The following AGAP1 variants were observed in gnomAD, a reference collection of about 807,000 sequenced individuals.
AGAP1 encodes ArfGAP with GTPase domain, ankyrin repeat and PH domain 1.
A neutral mutation model predicts 105.3 loss-of-function variants in AGAP1; 29 were observed. The ratio of observed to expected loss-of-function variants is 0.28; its 90% CI spans 0.21 to 0.38. The LOEUF (loss-of-function observed/expected upper bound fraction) is 0.38, where lower values mean the gene tolerates loss of function less well. Among genes scored for constraint, AGAP1 ranks in the 10% least tolerant of loss-of-function variants. AGAP1 has a pLI of 1.00. For missense variants in AGAP1, 998 were observed against 1,165.1 expected, an observed-to-expected ratio of 0.86 and a Z score of 2.09; for synonymous variants, 509 against 485.9, an observed-to-expected ratio of 1.05 and a Z score of -0.63.
At chr2:236,006,389 G>C (rs62189403) in intron 13 of AGAP1, among the ~76,000 whole-genome samples, 1 of 152,154 alleles carries the variant, frequency 6.6e-6, no homozygotes, top group East Asian at 1.9e-4. Flanking sequence ...AGGCGTGCTC[G>C]TTGCTTCTGG....
rs1243600769 is a variant in AGAP1 at position 236,035,936 on chromosome 2, C to A, written c.1646-625C>A. Among the ~76,000 whole-genome samples the A allele has an allele frequency of 2.0e-5, 3 of 151,982 alleles. No individual in the cohort carries two copies. Among genetic ancestry groups the A allele is most frequent in the Non-Finnish European group, 4.4e-5 (3 of 67,990 alleles). ...TGGCAGGTGGGGTCGCAGGGTATAC[C>A]CCCAAGTTCCTCTCTTCCCATTGCA... On this transcript the variant is annotated intron_variant, in intron 13 of 17. Coordinates refer to ENST00000304032, the MANE Select transcript of AGAP1 (RefSeq NM_001037131.3). The surrounding 1 kb of genome is among the most constrained non-coding windows in gnomAD (Gnocchi z 4.2).
chr2:235,702,934 G>GTGTGTTTTTTTTTTTTTTTTTTTTTT (rs1553609552), intron 1 of AGAP1, among the ~76,000 whole-genome samples: 1 of 88,946 alleles, frequency 1.1e-5, no homozygotes, highest in Non-Finnish European at 2.2e-5. Flanking sequence ...AGTTTTCTTG[G>GTGTGTTTTTTTTTTTTTTTTTTTTTT]TTTTTTTTTT....
intron 10 of AGAP1, among the ~76,000 whole-genome samples, chr2:235,895,326 C>G (rs578172999): frequency 1.4e-5 from 2 of 146,204 alleles, no homozygotes; most frequent in African/African-American, 5.0e-5. Context: ...TGCCCCTGCT[C>G]TTGCCCCAGC....
In AGAP1 at chr2:235,933,815, G is replaced by A. The variant is rs1163159426; in HGVS notation, c.1483+2892G>A. Among the ~76,000 whole-genome samples the A allele has an allele frequency of 3.3e-5, 5 of 152,200 alleles. No individual in the cohort carries two copies. The East Asian group carries it at 7.7e-4, about 23-fold the overall frequency. ...CAAAGTGCTGGGATTACAGGCATGA[G>A]CCACCGCGCCCGGCCTTTCTAAGGA... On this transcript the variant is annotated intron_variant, in intron 12 of 17. Transcript: ENST00000304032.
rs1195362102 is a variant in AGAP1 at position 235,555,165 on chromosome 2, G to C, written c.163+60316G>C. On this transcript the variant is annotated intron_variant, in intron 1 of 17. Coordinates refer to ENST00000304032, the MANE Select transcript of AGAP1 (RefSeq NM_001037131.3). This position sits in a 1 kb window ranked among gnomAD's most constrained non-coding sequence, Gnocchi z 5.1. ...GGGTTGCTGATTCTTCTTTCCAGAT[G>C]GATGTTTCTAAAGTCTTTCTTAAAG... Among the ~76,000 whole-genome samples, 1 of 152,164 alleles carries C rather than the reference G, an allele frequency of 6.6e-6. No individual in the cohort carries two copies. Among genetic ancestry groups the C allele is most frequent in the East Asian group, 1.9e-4 (1 of 5,190 alleles).
chr2:236,086,041 C>T (rs1473995313), intron 16 of AGAP1, among the ~76,000 whole-genome samples: 1 of 152,240 alleles, frequency 6.6e-6, no homozygotes, highest in Non-Finnish European at 1.5e-5. Flanking sequence ...TAAAGCTGCC[C>T]TGATCTTCCT....
At chr2:236,007,287 T>C (rs2056353038) in intron 13 of AGAP1, among the ~76,000 whole-genome samples, 1 of 152,224 alleles carries the variant, frequency 6.6e-6, no homozygotes, top group Non-Finnish European at 1.5e-5. Flanking sequence ...AAATTATCTC[T>C]AGTAGATATT....
In AGAP1 at chr2:235,994,258, C is replaced by T. The variant is rs1329633410; in HGVS notation, c.1645+25635C>T. 1.3e-5 allele frequency among the ~76,000 whole-genome samples: 2 copies of T among 152,200 alleles called. No individual in the cohort carries two copies. Among genetic ancestry groups the T allele is most frequent in the African/African-American group, 4.8e-5 (2 of 41,440 alleles). On this transcript the variant is annotated intron_variant, in intron 13 of 17. Coordinates refer to ENST00000304032, the MANE Select transcript of AGAP1 (RefSeq NM_001037131.3). The surrounding 1 kb of genome is among the most constrained non-coding windows in gnomAD (Gnocchi z 4.4). ...GTGCCTACATCCATTTCTGTTGAAACTGGTCATAGTTAGCATTTCTCCATG... is the reference window on the plus strand; with the variant it reads ...GTGCCTACATCCATTTCTGTTGAAATTGGTCATAGTTAGCATTTCTCCATG...
chr2:235,951,060 C>T lies in AGAP1; in HGVS notation c.1484-17402C>T, dbSNP rs1275136312. Among the ~76,000 whole-genome samples the T allele has an allele frequency of 2.0e-5, 3 of 152,136 alleles. No homozygotes were observed. Among genetic ancestry groups the T allele is most frequent in the Admixed American group, 6.5e-5 (1 of 15,286 alleles). ...ATGGTGAATTACTCATAGTTTTCTG[C>T]TGGAAGTAAATTTAATTCTAGTTTT... On this transcript the variant is annotated intron_variant, in intron 12 of 17. Transcript: ENST00000304032. This position sits in a 1 kb window ranked among gnomAD's most constrained non-coding sequence, Gnocchi z 4.2.
At position 236,036,497 on chromosome 2, in the gene AGAP1, G is replaced by GGGCC; in HGVS notation, c.1646-63_1646-60dup. On this transcript the variant is annotated intron_variant, in intron 13 of 17. Coordinates refer to ENST00000304032, the MANE Select transcript of AGAP1 (RefSeq NM_001037131.3). The surrounding 1 kb of genome is among the most constrained non-coding windows in gnomAD (Gnocchi z 5.7). The stretch of plus-strand genomic sequence containing the variant: ...AACCCAGAGGCGCTTCTGTGACAGA[G>GGGCC]GGCCCGCAGGGGGACTGCTGTCTCA... 1 of 1,579,064 alleles carries GGGCC rather than the reference G, an allele frequency of 6.3e-7. No homozygotes were observed. The highest frequency in any genetic ancestry group is 1.8e-5 in the Admixed American group (1 of 56,960).
intron 13 of AGAP1, among the ~76,000 whole-genome samples, chr2:236,015,364 C>G (rs2056660108): frequency 7.4e-6 from 1 of 135,638 alleles, no homozygotes; most frequent in Non-Finnish European, 1.5e-5. Flanking sequence ...GCAGGCAGGC[C>G]CGGGCCATTT....
Position 235,981,117 on chromosome 2 carries a change from G to A in AGAP1, c.1645+12494G>A, listed in dbSNP as rs1055849414. Among the ~76,000 whole-genome samples the A allele has an allele frequency of 4.6e-5, 7 of 152,160 alleles. No individual in the cohort carries two copies. The highest frequency in any genetic ancestry group is 1.4e-4 in the African/African-American group (6 of 41,432). ...TAAGGAATTAGACACCCCAGAGTAT[G>A]TGATCACTGTGAGATGTTTCTCAAA... On this transcript the variant is annotated intron_variant, in intron 13 of 17. Transcript: ENST00000304032. This position sits in a 1 kb window ranked among gnomAD's most constrained non-coding sequence, Gnocchi z 5.5.
Position 235,583,769 on chromosome 2 carries a change from C to T in AGAP1, c.163+88920C>T, listed in dbSNP as rs540795661. Among the ~76,000 whole-genome samples the T allele has an allele frequency of 1.6e-3, 246 of 150,986 alleles. 1 individual carries two copies. The highest frequency in any genetic ancestry group is 5.6e-3 in the African/African-American group (232 of 41,080). The stretch of plus-strand genomic sequence containing the variant: ...GTGTGCGCCTGTAGTCCCAGCTACT[C>T]GGGAGGCTGAGGCAGAATTGCCTGA... On this transcript the variant is annotated intron_variant, in intron 1 of 17. Transcript: ENST00000304032.
At chr2:235,702,338 G>C (rs1290758385) in intron 1 of AGAP1, among the ~76,000 whole-genome samples, 2 of 152,196 alleles carry the variant, frequency 1.3e-5, no homozygotes, top group Admixed American at 6.5e-5. Flanking sequence ...TGAAGAATGT[G>C]GGGGAGCCTT....
chr2:235,802,839 T>TG (rs1957580104), intron 8 of AGAP1, among the ~76,000 whole-genome samples: 1 of 130,288 alleles, frequency 7.7e-6, no homozygotes, highest in Non-Finnish European at 1.6e-5. Flanking sequence ...TGATGATGGT[T>TG]ATGGTTGTGA....
At chr2:236,008,794 T>C (rs1576043405) in intron 13 of AGAP1, among the ~76,000 whole-genome samples, 1 of 152,212 alleles carries the variant, frequency 6.6e-6, no homozygotes, top group East Asian at 1.9e-4. Context: ...GAAAATCATA[T>C]TTGCTGTAAA....
At chr2:235,814,741 A>T (rs1304366624) in intron 9 of AGAP1, among the ~76,000 whole-genome samples, 1 of 152,176 alleles carries the variant, frequency 6.6e-6, no homozygotes, top group East Asian at 1.9e-4. Context: ...ACTGGGACAT[A>T]CAAGTAGGTG....
Position 235,698,608 on chromosome 2 carries a change from A to G in AGAP1, c.164-10571A>G, listed in dbSNP as rs549295375. Among the ~76,000 whole-genome samples, 142 of 152,246 alleles carry G rather than the reference A, an allele frequency of 9.3e-4. 1 individual carries two copies. The highest frequency in any genetic ancestry group is 3.3e-3 in the African/African-American group (136 of 41,550). On this transcript the variant is annotated intron_variant, in intron 1 of 17. Transcript: ENST00000304032. Reference sequence around the variant, plus strand: ...ATTCTCGAGATCTGTTCAAAATTCTACGTCTTATATGAAATGTAGGATTCT... The same window carrying G: ...ATTCTCGAGATCTGTTCAAAATTCTGCGTCTTATATGAAATGTAGGATTCT...
intron 8 of AGAP1, among the ~76,000 whole-genome samples, chr2:235,803,010 G>A (rs1171399025): frequency 6.9e-5 from 4 of 57,668 alleles, no homozygotes; most frequent in Admixed American, 2.1e-4. Context: ...GATGGTTGTG[G>A]TTGTGATGGT....
Sources: allele counts gnomAD v4.1 joint callset (sites outside exome capture counted in the v4.1 genomes callset), GRCh38; gene constraint gnomAD v4.1.1; non-coding constraint Gnocchi (gnomAD v3.1); transcripts MANE v1.5; gene names NCBI Gene and HGNC (gene_info 2026-07-23, HGNC 2026-07-21).